The following ZNF540 variants were observed in gnomAD, a reference collection of about 807,000 sequenced individuals.
ZNF540 encodes the protein CTD-3064H18.6.
In ZNF540, 3 loss-of-function variants were observed where a neutral mutation model predicts 11.8. That is an observed-to-expected ratio of 0.25 (90% CI 0.12 to 0.65). The LOEUF (loss-of-function observed/expected upper bound fraction) is 0.65. Among genes scored for constraint, ZNF540 ranks in the 30% least tolerant of loss-of-function variants. ZNF540 has a pLI of 0.83. For missense variants in ZNF540, 709 were observed against 793.1 expected (o/e 0.89, Z 1.27); for synonymous variants, 247 against 259.0 (o/e 0.95, Z 0.45).
chr19:37,593,790 G>A (rs1455406957), upstream of ZNF540, among the ~76,000 whole-genome samples: 3 of 152,102 alleles, frequency 2.0e-5, no homozygotes, highest in African/African-American at 7.2e-5. Context: ...TGTGGCTGGG[G>A]AGTAGAGCTA....
intron 1 of ZNF540, among the ~76,000 whole-genome samples, chr19:37,552,589 C>A (rs537675413): frequency 6.6e-6 from 1 of 152,294 alleles, no homozygotes; most frequent in Non-Finnish European, 1.5e-5. Context: ...CAATACACTT[C>A]TATAGTATTA....
intron 1 of ZNF540, chr19:37,565,497 C>T: frequency 1.2e-6 from 2 of 1,613,658 alleles, no homozygotes; most frequent in African/African-American, 1.3e-5. Context: ...TTTCCACATT[C>T]CTTACACTCA....
At chr19:37,570,717 A>G (rs1362865894) in intron 1 of ZNF540, among the ~76,000 whole-genome samples, 5 of 152,222 alleles carry the variant, frequency 3.3e-5, no homozygotes, top group Admixed American at 1.3e-4. Flanking sequence ...CTAAAACACC[A>G]TGGATTCATT....
At chr19:37,561,880 A>C (rs1257089503) in intron 1 of ZNF540, among the ~76,000 whole-genome samples, 2 of 152,266 alleles carry the variant, frequency 1.3e-5, no homozygotes, top group East Asian at 3.8e-4. Context: ...CAATCTGAAC[A>C]AAATGTACTT....
chr19:37,551,998 TC>T (rs2042611310), intron 1 of ZNF540, among the ~76,000 whole-genome samples: 1 of 152,124 alleles, frequency 6.6e-6, no homozygotes, highest in Admixed American at 6.5e-5. Flanking sequence ...TAATTCCTTT[TC>T]TGAGTCTCAC....
intron 1 of ZNF540, among the ~76,000 whole-genome samples, chr19:37,570,981 TACTA>T (rs1211483995): frequency 6.6e-6 from 1 of 152,222 alleles, no homozygotes; most frequent in East Asian, 1.9e-4. Flanking sequence ...ATTTTAAATC[TACTA>T]ACAGTATATA....
Position 37,611,976 on chromosome 19 carries a change from G to C in ZNF540, c.696G>C (p.Leu232=). The C allele has an allele frequency of 1.2e-6, 2 of 1,613,596 alleles. No homozygotes were observed. Among genetic ancestry groups the C allele is most frequent in the Non-Finnish European group, 8.5e-7 (1 of 1,179,930 alleles). The change falls in exon 5 of 5, where the codon CTG becomes CTC. Residue 232 remains leucine, a synonymous_variant. Coordinates refer to ENST00000316433, the MANE Select transcript of ZNF540 (RefSeq NM_001172225.3). ...TTAGTCATAGCTATCAACTTACTCT[G>C]CATCAGAGATTTCATACTGGTGAGA... ...KVFSHSYQLT[L]HQRFHTGEKP... is the part of the protein sequence containing the mutation.
chr19:37,552,271 A>G (rs2042613678), intron 1 of ZNF540, among the ~76,000 whole-genome samples: 2 of 152,150 alleles, frequency 1.3e-5, no homozygotes, highest in South Asian at 2.1e-4. Context: ...TTTTCAATAT[A>G]TTGACAATTT....
chr19:37,584,787 C>A lies in ZNF540; in HGVS notation c.-72-13589C>A, dbSNP rs914261363. Among the ~76,000 whole-genome samples the A allele has an allele frequency of 4.6e-5, 7 of 151,890 alleles. No individual in the cohort carries two copies. In the East Asian group the frequency reaches 1.2e-3, roughly 25 times the overall value. The stretch of plus-strand genomic sequence containing the variant: ...ACCATCCTGGCTAACACGGTGAAAC[C>A]CCGTCTCTACTAAAAATACAAAAAA... On this transcript the variant is annotated intron_variant, in intron 1 of 4. Coordinates refer to the ZNF540 transcript ENST00000592533.
intron 1 of ZNF540, chr19:37,566,050 A>T (rs1568342097): frequency 6.2e-7 from 1 of 1,614,126 alleles, no homozygotes; most frequent in Non-Finnish European, 8.5e-7. Context: ...GATGAAAAGT[A>T]GAAGAGGTTG....
Position 37,594,996 on chromosome 19 carries a change from C to T in ZNF540, c.-172C>T, listed in dbSNP as rs189812032. On this transcript the variant is annotated 5_prime_UTR_variant, in exon 1 of 5. Coordinates refer to ENST00000316433, the MANE Select transcript of ZNF540 (RefSeq NM_001172225.3). ...TATTTCATTATACTCAAGTAACGCCCCAGAAATTCCAGAGAATCTCACACA... is the reference window on the plus strand; with the variant it reads ...TATTTCATTATACTCAAGTAACGCCTCAGAAATTCCAGAGAATCTCACACA... 1 of 152,270 alleles carries T rather than the reference C, an allele frequency of 6.6e-6. No individual in the cohort carries two copies. The highest frequency in any genetic ancestry group is 1.5e-5 in the Non-Finnish European group (1 of 68,066). The allele number at this position is 152,270 out of a possible 1,614,324, so 9.4% of individuals were successfully genotyped here.
chr19:37,579,126 A>C (rs1600504944), intron 1 of ZNF540, among the ~76,000 whole-genome samples: 1 of 151,784 alleles, frequency 6.6e-6, no homozygotes, highest in Non-Finnish European at 1.5e-5. Flanking sequence ...GGCTCCCACC[A>C]CCTAAGTGTT....
intron 1 of ZNF540, among the ~76,000 whole-genome samples, chr19:37,587,856 C>A (rs1000800438): frequency 6.6e-6 from 1 of 151,952 alleles, no homozygotes; most frequent in African/African-American, 2.4e-5. Context: ...CAGTGGCTCA[C>A]GCCTGTAGTC....
At chr19:37,566,458 G>A in intron 1 of ZNF540, 3 of 723,256 alleles carry the variant, frequency 4.1e-6, no homozygotes, top group Non-Finnish European at 6.4e-6. Flanking sequence ...AGAGAATAAA[G>A]AAAAAGGAGA....
intron 1 of ZNF540, among the ~76,000 whole-genome samples, chr19:37,596,986 T>C (rs777948070): frequency 3.3e-5 from 5 of 152,186 alleles, no homozygotes; most frequent in Admixed American, 2.6e-4. Flanking sequence ...AAGAGCACAG[T>C]TGAAAAAGAA....
At chr19:37,576,228 TGAGA>T (rs1294082324) in intron 1 of ZNF540, among the ~76,000 whole-genome samples, 1 of 152,200 alleles carries the variant, frequency 6.6e-6, no homozygotes, top group Non-Finnish European at 1.5e-5. Flanking sequence ...CATTTTTTCT[TGAGA>T]GAGAATTTTC....
Position 37,596,779 on chromosome 19 carries a change from C to T in ZNF540, c.-72-1597C>T, listed in dbSNP as rs79646998. On this transcript the variant is annotated intron_variant, in intron 1 of 4. Coordinates refer to ENST00000316433, the MANE Select transcript of ZNF540 (RefSeq NM_001172225.3). Reference sequence around the variant, plus strand: ...AGTGTATAACATGGCGTGAGGGCATCTATTTTACTCCAGTTTAACATGTTA... The same window carrying T: ...AGTGTATAACATGGCGTGAGGGCATTTATTTTACTCCAGTTTAACATGTTA... Among the ~76,000 whole-genome samples the T allele has an allele frequency of 6.6e-4, 101 of 152,274 alleles. 1 individual carries two copies. In the East Asian group the frequency reaches 0.019, roughly 28 times the overall value.
chr19:37,603,782 C>T (rs1356603452), intron 4 of ZNF540, among the ~76,000 whole-genome samples: 1 of 151,962 alleles, frequency 6.6e-6, no homozygotes, highest in Non-Finnish European at 1.5e-5. Flanking sequence ...ATTTATCTGT[C>T]AATGTAAAAA....
rs2042979665 is a variant in ZNF540, at chr19:37,569,366, C to T, written c.-73+17701C>T. On this transcript the variant is annotated intron_variant, in intron 1 of 4. Coordinates refer to the ZNF540 transcript ENST00000592533. The surrounding 1 kb of genome is among the most constrained non-coding windows in gnomAD (Gnocchi z 4.4). ...AGTAAATATGAAAATCACATTATGT[C>T]ACCATCTTAAGATTTTTCAATAGCC... 6.6e-6 allele frequency among the ~76,000 whole-genome samples: 1 copy of T among 152,098 alleles called. No homozygotes were observed. Among genetic ancestry groups the T allele is most frequent in the Non-Finnish European group, 1.5e-5 (1 of 68,012 alleles).
Sources: allele counts gnomAD v4.1 joint callset (sites outside exome capture counted in the v4.1 genomes callset), GRCh38; gene constraint gnomAD v4.1.1; non-coding constraint Gnocchi (gnomAD v3.1); transcripts MANE v1.5; gene names NCBI Gene and HGNC (gene_info 2026-07-23, HGNC 2026-07-21).